The following MICAL3 variants were observed in gnomAD, a reference collection of about 807,000 sequenced individuals.
MICAL3 encodes the protein microtubule associated monooxygenase, calponin and LIM domain containing 3.
Under a neutral mutation model 207.4 loss-of-function variants are expected in MICAL3, and 62 were observed. That is an observed-to-expected ratio of 0.30 (90% CI 0.24 to 0.37). MICAL3 has a LOEUF of 0.37. Ranked by LOEUF, MICAL3 falls within the 10% of genes least tolerant of loss-of-function variation. The pLI, the probability that MICAL3 is intolerant of heterozygous loss-of-function variation, is 1.00. For synonymous variants in MICAL3, 1,077 were observed against 1,069.3 expected, an observed-to-expected ratio of 1.01 and a Z score of -0.14; for missense variants, 2,368 against 2,635.6, an observed-to-expected ratio of 0.90 and a Z score of 2.22.
intron 1 of MICAL3, among the ~76,000 whole-genome samples, chr22:18,016,747 T>C (rs1325089987): frequency 3.9e-5 from 6 of 152,116 alleles, no homozygotes; most frequent in Non-Finnish European, 1.5e-5. Context: ...AAGACCATCC[T>C]GGCTAACACA....
intron 27 of MICAL3, chr22:17,812,893 A>G (rs2062063645): frequency 6.6e-6 from 1 of 152,144 alleles, no homozygotes; most frequent in African/African-American, 2.4e-5. Flanking sequence ...CCGTTAAAAT[A>G]TGTGATTCTA....
intron 1 of MICAL3, among the ~76,000 whole-genome samples, chr22:18,010,480 G>A (rs898491425): frequency 6.6e-6 from 1 of 152,270 alleles, no homozygotes; most frequent in Middle Eastern, 3.4e-3. Flanking sequence ...GTCTTTGTCA[G>A]GTGGAAAGTG....
chr22:17,846,545 A>G (rs1294743595), intron 19 of MICAL3, among the ~76,000 whole-genome samples: 2 of 152,196 alleles, frequency 1.3e-5, no homozygotes, highest in Non-Finnish European at 2.9e-5. Flanking sequence ...GGCAGCGAAG[A>G]CAGCCCTGTG....
At chr22:18,000,710 T>C (rs1368068138) in intron 1 of MICAL3, among the ~76,000 whole-genome samples, 1 of 152,198 alleles carries the variant, frequency 6.6e-6, no homozygotes, top group East Asian at 1.9e-4. Flanking sequence ...GGGGCATCAC[T>C]GAGACTAGAG....
chr22:17,972,223 CT>C (rs1935445462), intron 1 of MICAL3, among the ~76,000 whole-genome samples: 1 of 152,150 alleles, frequency 6.6e-6, no homozygotes, highest in Non-Finnish European at 1.5e-5. Flanking sequence ...ACCATCCCAT[CT>C]CAAACAAAAA....
At chr22:17,936,167 G>C (rs1933516878) in intron 1 of MICAL3, among the ~76,000 whole-genome samples, 1 of 152,098 alleles carries the variant, frequency 6.6e-6, no homozygotes, top group African/African-American at 2.4e-5. Context: ...CAAAGACTTG[G>C]AACCAACCCA....
At chr22:17,830,206 G>C (rs561869678) in intron 21 of MICAL3, among the ~76,000 whole-genome samples, 6 of 152,244 alleles carry the variant, frequency 3.9e-5, no homozygotes, top group Admixed American at 1.3e-4. Context: ...CCCACAGCGC[G>C]ATCAAGCAGG....
At chr22:17,830,609 C>T (rs3804054) in intron 21 of MICAL3, among the ~76,000 whole-genome samples, 3 of 152,340 alleles carry the variant, frequency 2.0e-5, no homozygotes, top group East Asian at 3.9e-4. Flanking sequence ...GCAGAGGCCA[C>T]GCCGGCACCT....
chr22:17,804,247 C>T (rs2061968153), intron 29 of MICAL3, among the ~76,000 whole-genome samples: 5 of 152,102 alleles, frequency 3.3e-5, no homozygotes, highest in Admixed American at 1.3e-4. Flanking sequence ...GGGCTGCCTG[C>T]GTGTCAGTTG....
intron 1 of MICAL3, among the ~76,000 whole-genome samples, chr22:17,917,600 T>C (rs5746495): frequency 0.73 from 111,484 of 152,018 alleles, 41,477 homozygotes; most frequent in African/African-American, 0.85. Context: ...AGAGCATCCA[T>C]TTAAAACACC....
intron 29 of MICAL3, 72 bp from the exon 30 acceptor site, chr22:17,791,373 C>A: frequency 7.7e-7 from 1 of 1,296,560 alleles, no homozygotes. Flanking sequence ...TCACACGGGG[C>A]AAATGTGCAA....
At chr22:17,994,407 T>C (rs115979276) in intron 1 of MICAL3, among the ~76,000 whole-genome samples, 1 of 152,190 alleles carries the variant, frequency 6.6e-6, no homozygotes, top group Non-Finnish European at 1.5e-5. Flanking sequence ...GGACCCATGC[T>C]ACCTCCAGAC....
chr22:17,984,748 T>G (rs1257822073), intron 1 of MICAL3, among the ~76,000 whole-genome samples: 2 of 152,276 alleles, frequency 1.3e-5, no homozygotes, highest in Non-Finnish European at 2.9e-5. Context: ...GCAGGTGTTA[T>G]GCTATGCATT....
At chr22:17,958,908 G>A (rs2146378895) in intron 1 of MICAL3, among the ~76,000 whole-genome samples, 2 of 151,020 alleles carry the variant, frequency 1.3e-5, no homozygotes, top group South Asian at 4.2e-4. Context: ...GTTTCATCAT[G>A]TTGGCCAAGC....
chr22:17,819,942 C>CAAAAA (rs58418733), intron 25 of MICAL3, among the ~76,000 whole-genome samples: 3 of 67,650 alleles, frequency 4.4e-5, no homozygotes, highest in Admixed American at 2.1e-4. Context: ...GACTCCATCT[C>CAAAAA]AAAAAAAAAA....
At chr22:17,996,298 G>A (rs1922267367) in intron 1 of MICAL3, among the ~76,000 whole-genome samples, 1 of 151,796 alleles carries the variant, frequency 6.6e-6, no homozygotes, top group Admixed American at 6.6e-5. Flanking sequence ...CAGAAAATTA[G>A]CCGGGCATGG....
intron 29 of MICAL3, among the ~76,000 whole-genome samples, chr22:17,800,060 C>G (rs2061922095): frequency 1.3e-5 from 2 of 151,856 alleles, no homozygotes; most frequent in Non-Finnish European, 2.9e-5. Context: ...TCAGGCAAAC[C>G]AAGAACCTAT....
intron 20 of MICAL3, among the ~76,000 whole-genome samples, chr22:17,837,742 C>T (rs980113854): frequency 2.6e-5 from 4 of 152,228 alleles, no homozygotes; most frequent in Non-Finnish European, 5.9e-5. Flanking sequence ...GTGACTAAAC[C>T]ATGAATTGAT....
chr22:17,793,101 G>A lies in MICAL3; in HGVS notation c.5651-1800C>T, dbSNP rs754541421. On this transcript the variant is annotated intron_variant, in intron 29 of 31. Transcript: ENST00000441493. The surrounding 1 kb of genome is among the most constrained non-coding windows in gnomAD (Gnocchi z 4.1). ...CACTAGCTATGGAGAGCTCGCCCACGGCCGCCAGGCAGGGGCTGTGGTGTG... is the reference window on the plus strand; with the variant it reads ...CACTAGCTATGGAGAGCTCGCCCACAGCCGCCAGGCAGGGGCTGTGGTGTG... Among the ~76,000 whole-genome samples, 2 of 152,196 alleles carry A rather than the reference G, an allele frequency of 1.3e-5. No individual in the cohort carries two copies. The highest frequency in any genetic ancestry group is 6.5e-5 in the Admixed American group (1 of 15,286).
Sources: allele counts gnomAD v4.1 joint callset (sites outside exome capture counted in the v4.1 genomes callset), GRCh38; gene constraint gnomAD v4.1.1; non-coding constraint Gnocchi (gnomAD v3.1); transcripts MANE v1.5; gene names NCBI Gene and HGNC (gene_info 2026-07-23, HGNC 2026-07-21).